ADAMTS12: variants seen among roughly 807,000 people sequenced by gnomAD.
The protein encoded by ADAMTS12 is A disintegrin and metalloproteinase with thrombospondin motifs 12.
ADAMTS12 carries 118 observed loss-of-function variants against 167.8 expected under a neutral mutation model. The observed-to-expected ratio is 0.70, with a 90% CI of 0.61 to 0.82. The LOEUF is 0.82. ADAMTS12 is among the 40% of genes least tolerant of loss of function. The pLI is 0.00. For synonymous variants in ADAMTS12, 704 were observed against 716.9 expected, an observed-to-expected ratio of 0.98 and a Z score of 0.29; for missense variants, 1,916 against 1,998.8, an observed-to-expected ratio of 0.96 and a Z score of 0.79.
chr5:33,566,316 A>T (rs973460554), intron 19 of ADAMTS12, among the ~76,000 whole-genome samples: 2 of 152,156 alleles, frequency 1.3e-5, no homozygotes, highest in African/African-American at 4.8e-5. Flanking sequence ...TAATAAAAAA[A>T]TTATCTAGGT....
At chr5:33,550,349 T>C (rs1048051225) in intron 20 of ADAMTS12, among the ~76,000 whole-genome samples, 1 of 152,244 alleles carries the variant, frequency 6.6e-6, no homozygotes, top group Admixed American at 6.5e-5. Flanking sequence ...TTTAGAACTC[T>C]AGTGCTTGCC....
chr5:33,711,439 A>G (rs1743400486), intron 3 of ADAMTS12, among the ~76,000 whole-genome samples: 1 of 152,088 alleles, frequency 6.6e-6, no homozygotes, highest in Admixed American at 6.6e-5. Flanking sequence ...GTGGCTCAGG[A>G]AATTCTAAAT....
intron 3 of ADAMTS12, among the ~76,000 whole-genome samples, chr5:33,723,734 T>C (rs1048723216): frequency 2.6e-5 from 4 of 152,172 alleles, no homozygotes; most frequent in Non-Finnish European, 5.9e-5. Flanking sequence ...TTTCATGTAC[T>C]CCCCTCCATT....
chr5:33,757,832 T>C (rs978173137), intron 2 of ADAMTS12, among the ~76,000 whole-genome samples: 14 of 152,280 alleles, frequency 9.2e-5, no homozygotes, highest in Admixed American at 5.9e-4. Context: ...AGAGACACTA[T>C]ACGTAAAATG....
At chr5:33,674,545 G>T (rs1444827319) in intron 5 of ADAMTS12, among the ~76,000 whole-genome samples, 1 of 152,154 alleles carries the variant, frequency 6.6e-6, no homozygotes, top group Non-Finnish European at 1.5e-5. Context: ...TGGGGCAAAA[G>T]TTGGACACGT....
intron 22 of ADAMTS12, among the ~76,000 whole-genome samples, chr5:33,538,321 A>T (rs1744512140): frequency 6.6e-6 from 1 of 152,132 alleles, no homozygotes; most frequent in Non-Finnish European, 1.5e-5. Context: ...CTATCACAAG[A>T]ACAGCATGGG....
At chr5:33,579,276 T>G (rs1191386195) in intron 18 of ADAMTS12, among the ~76,000 whole-genome samples, 1 of 152,234 alleles carries the variant, frequency 6.6e-6, no homozygotes, top group Non-Finnish European at 1.5e-5. Flanking sequence ...TTTGTATGTG[T>G]GAACACATTT....
intron 2 of ADAMTS12, among the ~76,000 whole-genome samples, chr5:33,833,540 C>G (rs183701686): frequency 2.0e-5 from 3 of 152,122 alleles, no homozygotes; most frequent in Admixed American, 2.0e-4. Flanking sequence ...AACAAGTTAG[C>G]TAAAATATCT....
At chr5:33,594,453 T>G (rs535386368) in intron 17 of ADAMTS12, among the ~76,000 whole-genome samples, 1 of 152,350 alleles carries the variant, frequency 6.6e-6, no homozygotes, top group South Asian at 2.1e-4. Flanking sequence ...TATTATATTG[T>G]GCCTAATTAA....
intron 2 of ADAMTS12, among the ~76,000 whole-genome samples, chr5:33,824,327 G>A (rs893907806): frequency 6.6e-6 from 1 of 152,144 alleles, no homozygotes; most frequent in Non-Finnish European, 1.5e-5. Context: ...GGACTTACGG[G>A]TTTGCAGCAG....
intron 18 of ADAMTS12, among the ~76,000 whole-genome samples, chr5:33,580,878 TG>T (rs984754515): frequency 6.6e-6 from 1 of 152,204 alleles, no homozygotes; most frequent in African/African-American, 2.4e-5. Context: ...AATGAAGACC[TG>T]GGGTCTGGGA....
chr5:33,729,325 G>C (rs191120022), intron 3 of ADAMTS12, among the ~76,000 whole-genome samples: 1 of 152,294 alleles, frequency 6.6e-6, no homozygotes, highest in African/African-American at 2.4e-5. Flanking sequence ...ATATTTGATT[G>C]GTTACAGGTA....
chr5:33,615,963 A>C lies in ADAMTS12; in HGVS notation c.2253T>G (p.Tyr751Ter), dbSNP rs1296902231. 1 of 1,614,120 alleles carries C rather than the reference A, an allele frequency of 6.2e-7. No homozygotes were observed. The highest frequency in any genetic ancestry group is 8.5e-7 in the Non-Finnish European group (1 of 1,180,000). ...GGATAATAAACCCTCCATTCAGGTA[A>C]TATTTTTCAGGATCTTCACTCCTGA... ...LAIRSEDPEKYYLNGGFIIQW... is the reference protein window; with the variant it reads ...LAIRSEDPEK The change falls in exon 15 of 24, where the codon TAT (tyrosine) becomes TAG (stop). Residue 751 changes from tyrosine (Y) to a stop codon, truncating the protein, a stop_gained. Coordinates refer to ENST00000504830, the MANE Select transcript of ADAMTS12 (RefSeq NM_030955.4). LOFTEE classifies it high-confidence loss of function.
chr5:33,870,553 C>T (rs1750000158), intron 2 of ADAMTS12, among the ~76,000 whole-genome samples: 2 of 152,156 alleles, frequency 1.3e-5, no homozygotes, highest in Non-Finnish European at 2.9e-5. Context: ...TGAGTTAAGA[C>T]TTGGGAAACT....
chr5:33,845,470 A>G (rs1748909651), intron 2 of ADAMTS12, among the ~76,000 whole-genome samples: 1 of 152,246 alleles, frequency 6.6e-6, no homozygotes, highest in Non-Finnish European at 1.5e-5. Flanking sequence ...GCCGTTATGT[A>G]TTAATAATAA....
At chr5:33,586,236 T>C (rs962795566) in intron 18 of ADAMTS12, among the ~76,000 whole-genome samples, 1 of 152,180 alleles carries the variant, frequency 6.6e-6, no homozygotes, top group Non-Finnish European at 1.5e-5. Context: ...TATCTGGGCA[T>C]AGTTAGAATG....
At chr5:33,875,012 G>C (rs756631990) in intron 2 of ADAMTS12, among the ~76,000 whole-genome samples, 2 of 152,198 alleles carry the variant, frequency 1.3e-5, no homozygotes, top group Non-Finnish European at 2.9e-5. Flanking sequence ...AGGTTGCAGT[G>C]AGCTGAGATC....
intron 2 of ADAMTS12, among the ~76,000 whole-genome samples, chr5:33,808,183 C>CT (rs1747312530): frequency 6.6e-6 from 1 of 152,192 alleles, no homozygotes; most frequent in Admixed American, 6.5e-5. Context: ...AAGTATGTGT[C>CT]TTTACATACA....
At chr5:33,643,324 C>G in intron 10 of ADAMTS12, 54 bp downstream of exon 10, 1 of 1,589,324 alleles carries the variant, frequency 6.3e-7, no homozygotes, top group Non-Finnish European at 8.6e-7. Flanking sequence ...CTCAGCTCCT[C>G]CCAAGAACTC....
Sources: gnomAD v4.1 joint callset for allele counts (sites outside exome capture counted in the v4.1 genomes callset) on GRCh38, gnomAD v4.1.1 for gene constraint, MANE v1.5 for transcripts, NCBI Gene and HGNC (gene_info 2026-07-23, HGNC 2026-07-21) for gene names.